Variants in EYS observed in about 807,000 individuals in gnomAD.
The protein encoded by EYS is protein eyes shut homolog.
In EYS, 250 loss-of-function variants were observed where a neutral mutation model predicts 282.1. That is an observed-to-expected ratio of 0.89 (90% CI 0.80 to 0.98). EYS has a LOEUF of 0.98. EYS is among the 50% of genes least tolerant of loss of function. The pLI is 0.00. For synonymous variants in EYS, 1,355 were observed against 1,282.9 expected (o/e 1.06, Z -1.20); for missense variants, 4,016 against 3,709.0 (o/e 1.08, Z -2.15).
chr6:64,130,539 A>C (rs9344753), intron 31 of EYS, among the ~76,000 whole-genome samples: 1 of 151,954 alleles, frequency 6.6e-6, no homozygotes, highest in East Asian at 2.0e-4. Context: ...TGACGAGTTA[A>C]TGGGTGCTGC....
chr6:65,378,908 T>C (rs1435101459), intron 8 of EYS, among the ~76,000 whole-genome samples: 1 of 151,900 alleles, frequency 6.6e-6, no homozygotes, highest in Non-Finnish European at 1.5e-5. Context: ...AGTGGAGGGA[T>C]AACATTAGGA....
At chr6:64,241,375 G>A (rs1766822839) in intron 30 of EYS, among the ~76,000 whole-genome samples, 1 of 151,998 alleles carries the variant, frequency 6.6e-6, no homozygotes. Flanking sequence ...ATCTGGTTTT[G>A]GACTTTTTTT....
intron 26 of EYS, among the ~76,000 whole-genome samples, chr6:64,447,242 A>T (rs1775146161): frequency 6.6e-6 from 1 of 152,098 alleles, no homozygotes; most frequent in African/African-American, 2.4e-5. Context: ...GAATTTTATC[A>T]TTACAAAATC....
chr6:65,494,557 A>G, intron 4 of EYS, 106 bp downstream of exon 4: 1 of 1,069,094 alleles, frequency 9.4e-7, no homozygotes, highest in Non-Finnish European at 1.4e-6. Flanking sequence ...CTGGGATTAC[A>G]GGTGTGAGCC....
intron 13 of EYS, among the ~76,000 whole-genome samples, chr6:65,010,752 C>G (rs1037945320): frequency 6.6e-6 from 1 of 152,206 alleles, no homozygotes; most frequent in Admixed American, 6.5e-5. Context: ...AATATATACA[C>G]AGAATCTAAG....
chr6:63,755,123 T>C (rs1769443491), intron 41 of EYS, among the ~76,000 whole-genome samples: 1 of 152,226 alleles, frequency 6.6e-6, no homozygotes, highest in African/African-American at 2.4e-5. Flanking sequence ...GACAAAATTT[T>C]CTCCCATTCT....
chr6:65,596,728 G>T (rs1339705386), intron 2 of EYS, among the ~76,000 whole-genome samples: 2 of 151,790 alleles, frequency 1.3e-5, no homozygotes, highest in Non-Finnish European at 2.9e-5. Context: ...ATAAGGAATG[G>T]TACATCATTT....
At chr6:63,969,214 A>G (rs1157838685) in intron 35 of EYS, among the ~76,000 whole-genome samples, 1 of 152,210 alleles carries the variant, frequency 6.6e-6, no homozygotes, top group Non-Finnish European at 1.5e-5. Flanking sequence ...GCCTTGCAAA[A>G]TGACTAGCAT....
At chr6:63,844,396 G>A (rs187696343) in intron 36 of EYS, among the ~76,000 whole-genome samples, 1 of 152,230 alleles carries the variant, frequency 6.6e-6, no homozygotes, top group East Asian at 1.9e-4. Flanking sequence ...GGCTCAAATG[G>A]TATTTCTGCC....
intron 8 of EYS, among the ~76,000 whole-genome samples, chr6:65,372,796 G>A (rs1230063419): frequency 6.6e-6 from 1 of 151,958 alleles, no homozygotes; most frequent in Non-Finnish European, 1.5e-5. Context: ...ATTGAAAATA[G>A]AGAAATTTAA....
chr6:65,056,506 C>G (rs982843774), intron 13 of EYS, among the ~76,000 whole-genome samples: 1 of 152,004 alleles, frequency 6.6e-6, no homozygotes, highest in African/African-American at 2.4e-5. Context: ...GGGAGGATCA[C>G]TTAAGCCCAG....
At chr6:64,169,595 G>A (rs1449576836) in intron 31 of EYS, among the ~76,000 whole-genome samples, 1 of 152,136 alleles carries the variant, frequency 6.6e-6, no homozygotes, top group Non-Finnish European at 1.5e-5. Context: ...GATGGAGAGA[G>A]TTGAATGGAG....
intron 1 of EYS, among the ~76,000 whole-genome samples, chr6:65,682,011 T>C (rs1768843203): frequency 6.6e-6 from 1 of 151,938 alleles, no homozygotes; most frequent in Non-Finnish European, 1.5e-5. Flanking sequence ...TCAATACTTT[T>C]CCACTAGGCT....
At chr6:64,274,481 GTTT>G (rs10640761) in intron 30 of EYS, among the ~76,000 whole-genome samples, 1 of 92,228 alleles carries the variant, frequency 1.1e-5, no homozygotes. Flanking sequence ...ACGCCTGGCC[GTTT>G]TTTTTTTTTT....
chr6:65,197,248 G>T (rs1765792325), intron 12 of EYS, among the ~76,000 whole-genome samples: 1 of 152,106 alleles, frequency 6.6e-6, no homozygotes, highest in Admixed American at 6.6e-5. Flanking sequence ...ACAGGTTAGT[G>T]ATAAATACCA....
chr6:64,885,017 A>G (rs966722932), intron 19 of EYS, among the ~76,000 whole-genome samples: 1 of 151,716 alleles, frequency 6.6e-6, no homozygotes, highest in Non-Finnish European at 1.5e-5. Context: ...GACTTAAGTC[A>G]TTGCAGTAGC....
chr6:64,858,592 T>A (rs553477703), intron 19 of EYS, among the ~76,000 whole-genome samples: 1 of 152,156 alleles, frequency 6.6e-6, no homozygotes, highest in Non-Finnish European at 1.5e-5. Context: ...TATTTTGTAG[T>A]TCCATCCAAA....
chr6:65,210,966 C>T (rs141117842), intron 12 of EYS, among the ~76,000 whole-genome samples: 202 of 149,612 alleles, frequency 1.4e-3, no homozygotes, highest in African/African-American at 4.6e-3. Flanking sequence ...ACGAAGCAAA[C>T]GAACATGGTT....
At chr6:64,678,993 A>C (rs1769801346) in intron 22 of EYS, among the ~76,000 whole-genome samples, 2 of 152,282 alleles carry the variant, frequency 1.3e-5, no homozygotes, top group South Asian at 2.1e-4. Flanking sequence ...AAAAAAAAAA[A>C]AAAACACTTT....
Sources: allele counts gnomAD v4.1 joint callset (sites outside exome capture counted in the v4.1 genomes callset), GRCh38; gene constraint gnomAD v4.1.1; transcripts MANE v1.5; gene names NCBI Gene and HGNC (gene_info 2026-07-23, HGNC 2026-07-21).